Variants in BRPF3 observed in about 807,000 individuals in gnomAD.
BRPF3 encodes bromodomain and PHD finger containing 3.
Under a neutral mutation model 102.0 loss-of-function variants are expected in BRPF3, and 18 were observed. The observed-to-expected ratio is 0.18, with a 90% CI of 0.12 to 0.26. BRPF3 has a LOEUF of 0.26. Among genes scored for constraint, BRPF3 ranks in the 10% least tolerant of loss-of-function variants. BRPF3 has a pLI of 1.00. For synonymous variants in BRPF3, 570 were observed against 614.2 expected, an observed-to-expected ratio of 0.93 and a Z score of 1.06; for missense variants, 1,147 against 1,567.8, an observed-to-expected ratio of 0.73 and a Z score of 4.53.
rs200686186 is a variant in BRPF3 at position 36,209,859 on chromosome 6, C to T, written c.1810C>T (p.Leu604=). 6.2e-6 allele frequency: 10 copies of T among 1,614,226 alleles called. No individual in the cohort carries two copies. Among genetic ancestry groups the T allele is most frequent in the Non-Finnish European group, 7.6e-6 (9 of 1,180,044 alleles). The part of the protein sequence containing the change: ...FNVLLRTTLD[L]LQEKDPAHIF... ...TGTTCTGTTGAGGACAACACTGGAC[C>T]TGCTGCAGGAGAAGGATCCTGCACA... Residue 604 remains leucine, a synonymous_variant, in exon 5 of 13, where the codon CTG becomes TTG. Transcript: ENST00000357641.
chr6:36,219,153 C>G (rs986989795), intron 9 of BRPF3, among the ~76,000 whole-genome samples: 1 of 152,144 alleles, frequency 6.6e-6, no homozygotes, highest in Non-Finnish European at 1.5e-5. Context: ...TTTAGGCATT[C>G]AGTCTACCTG....
In BRPF3 at chr6:36,210,620, C is replaced by G; in HGVS notation, c.2179+92C>G. 8.1e-7 allele frequency: 1 copy of G among 1,241,834 alleles called. No individual in the cohort carries two copies. The highest frequency in any genetic ancestry group is 2.5e-5 in the Admixed American group (1 of 39,812). 76.9% of individuals were successfully genotyped at this position (1,241,834 alleles called of 1,614,324 possible). On this transcript the variant is annotated intron_variant, in intron 6 of 12. Coordinates refer to ENST00000357641, the MANE Select transcript of BRPF3 (RefSeq NM_015695.3). The surrounding 1 kb of genome is among the most constrained non-coding windows in gnomAD (Gnocchi z 4.7). ...TGAGGGATCAGGGTGGTCCTTGGGG[C>G]TATAGGTAGACTCCAGGAGCAAAGC...
At chr6:36,197,348 T>A (rs1767534794) in intron 1 of BRPF3, 3 of 152,362 alleles carry the variant, frequency 2.0e-5, no homozygotes, top group Admixed American at 6.6e-5. Flanking sequence ...GGTTCTCGCC[T>A]CTCCGCCCCG....
In BRPF3 at chr6:36,227,001, A is replaced by C. The variant is rs534721265; in HGVS notation, c.3279+1637A>C. ...AGACAGAATACCTCACAATGCAAAAAAACTAGTCTAAAACTCGTCTTTTTT... is the reference window on the plus strand; with the variant it reads ...AGACAGAATACCTCACAATGCAAAACAACTAGTCTAAAACTCGTCTTTTTT... On this transcript the variant is annotated intron_variant, in intron 11 of 12. Transcript: ENST00000357641. Among the ~76,000 whole-genome samples, 4 of 152,334 alleles carry C rather than the reference A, an allele frequency of 2.6e-5. No homozygotes were observed. In the South Asian group the frequency reaches 8.3e-4, roughly 32 times the overall value.
chr6:36,208,290 T>G (rs1221811906), intron 4 of BRPF3, among the ~76,000 whole-genome samples: 1 of 152,220 alleles, frequency 6.6e-6, no homozygotes, highest in Non-Finnish European at 1.5e-5. Flanking sequence ...CTGTTCTCTC[T>G]GGTCTAGGAA....
At chr6:36,202,818 G>A (rs531897257) in intron 2 of BRPF3, among the ~76,000 whole-genome samples, 1 of 152,348 alleles carries the variant, frequency 6.6e-6, no homozygotes, top group Non-Finnish European at 1.5e-5. Context: ...GGCTCATGAT[G>A]CCTCTAGGTT....
intron 10 of BRPF3, 57 bp downstream of exon 10, chr6:36,222,322 C>T (rs1437298877): frequency 5.7e-5 from 84 of 1,477,676 alleles, no homozygotes; most frequent in Non-Finnish European, 7.7e-5. Context: ...GGAGCCAGCT[C>T]TTCAGGCTGC....
intron 11 of BRPF3, among the ~76,000 whole-genome samples, chr6:36,226,221 A>G (rs1768735453): frequency 1.3e-5 from 2 of 152,202 alleles, no homozygotes; most frequent in Non-Finnish European, 2.9e-5. Flanking sequence ...TCTTGGGGCA[A>G]AGTCTATGCA....
At chr6:36,218,606 C>A (rs770456616) in intron 9 of BRPF3, among the ~76,000 whole-genome samples, 14 of 151,992 alleles carry the variant, frequency 9.2e-5, no homozygotes, top group Admixed American at 2.6e-4. Flanking sequence ...AGTATAGGCA[C>A]GTGCCACCAC....
Position 36,213,865 on chromosome 6 carries a change from C to G in BRPF3, c.2483-15C>G. 1 of 1,570,826 alleles carries G rather than the reference C, an allele frequency of 6.4e-7. No homozygotes were observed. Among genetic ancestry groups the G allele is most frequent in the Non-Finnish European group, 8.6e-7 (1 of 1,160,696 alleles). On this transcript the variant is annotated splice_polypyrimidine_tract_variant and intron_variant, in intron 7 of 12. Transcript: ENST00000357641. ...TTTCTAAAATGTTCAAGCAGATTCT[C>G]TTTTTTTCTAATAGATGACTCCAAA...
At chr6:36,225,782 G>A (rs886405655) in intron 11 of BRPF3, among the ~76,000 whole-genome samples, 2 of 152,190 alleles carry the variant, frequency 1.3e-5, no homozygotes, top group African/African-American at 4.8e-5. Context: ...GCTAATAAAT[G>A]ACAGGGTTGG....
At chr6:36,227,236 CTTGTTTTTGTTT>C (rs143257615) in intron 11 of BRPF3, among the ~76,000 whole-genome samples, 1 of 150,292 alleles carries the variant, frequency 6.7e-6, no homozygotes, top group East Asian at 1.9e-4. Context: ...AACATTTTTT[CTTGTTTTTGTTT>C]TTGTTTTTGT....
Position 36,222,217 on chromosome 6 carries a change from G to A in BRPF3, c.3133G>A (p.Val1045Met), listed in dbSNP as rs1282849335. The change falls in exon 10 of 13, where the codon GTG becomes ATG. Residue 1045 changes from valine to methionine, a missense_variant. Physicochemically the swap from Val to Met is conservative, Grantham distance 21 (BLOSUM62 1). Transcript: ENST00000357641. ...CCGTGGGAAGCCAGCCCTGTCTCGA[G>A]TGCCCTTCCTGGAAGGTGTGAACGG... ...RSRGKPALSR[V>M]PFLEGVNGDS... 8 of 1,550,434 alleles carry A rather than the reference G, an allele frequency of 5.2e-6. No homozygotes were observed. Among genetic ancestry groups the A allele is most frequent in the East Asian group, 2.4e-5 (1 of 40,986 alleles).
chr6:36,212,909 C>G (rs913162878), intron 7 of BRPF3, among the ~76,000 whole-genome samples: 1 of 151,824 alleles, frequency 6.6e-6, no homozygotes, highest in Non-Finnish European at 1.5e-5. Context: ...GCCGAGATTG[C>G]GCCACTGTAG....
At chr6:36,212,523 G>C (rs547268435) in intron 7 of BRPF3, among the ~76,000 whole-genome samples, 411 of 150,680 alleles carry the variant, frequency 2.7e-3, no homozygotes, top group Non-Finnish European at 5.2e-3. Context: ...CCTACTTCTG[G>C]GGCTGTGGCA....
intron 2 of BRPF3, among the ~76,000 whole-genome samples, chr6:36,202,483 T>C (rs1184106632): frequency 8.4e-6 from 1 of 118,638 alleles, no homozygotes; most frequent in Non-Finnish European, 1.6e-5. Context: ...ATCAGAGAGG[T>C]ACCTGGAACC....
chr6:36,209,733 A>G (rs1216961221), intron 4 of BRPF3, 54 bp from the exon 5 acceptor site: 1 of 1,563,492 alleles, frequency 6.4e-7, no homozygotes, highest in East Asian at 2.3e-5. Context: ...AAAAAGTTTC[A>G]GTACATCTTT....
chr6:36,214,793 G>A (rs542361427), intron 8 of BRPF3, among the ~76,000 whole-genome samples: 4 of 152,290 alleles, frequency 2.6e-5, no homozygotes, highest in Admixed American at 2.0e-4. Flanking sequence ...TGAGTAAACC[G>A]TATCTTGTAT....
intron 4 of BRPF3, 58 bp downstream of exon 4, chr6:36,207,502 A>T: frequency 6.3e-7 from 1 of 1,584,152 alleles, no homozygotes; most frequent in Non-Finnish European, 8.6e-7. Flanking sequence ...TCCCACTATT[A>T]GTCTAGTATT....
Sources: allele counts gnomAD v4.1 joint callset (sites outside exome capture counted in the v4.1 genomes callset), GRCh38; gene constraint gnomAD v4.1.1; non-coding constraint Gnocchi (gnomAD v3.1); transcripts MANE v1.5; gene names NCBI Gene and HGNC (gene_info 2026-07-23, HGNC 2026-07-21).